The following RTN1 variants were observed in gnomAD, a reference collection of about 807,000 sequenced individuals.
The protein encoded by RTN1 is reticulon 1.
Under a neutral mutation model 65.5 loss-of-function variants are expected in RTN1, and 25 were observed. That is an observed-to-expected ratio of 0.38 (90% CI 0.28 to 0.53). The LOEUF (loss-of-function observed/expected upper bound fraction) is 0.53. Among genes scored for constraint, RTN1 ranks in the 20% least tolerant of loss-of-function variants. The pLI, the probability that RTN1 is intolerant of heterozygous loss-of-function variation, is 0.79. For synonymous variants in RTN1, 471 were observed against 447.6 expected, an observed-to-expected ratio of 1.05 and a Z score of -0.66; for missense variants, 983 against 1,025.4, an observed-to-expected ratio of 0.96 and a Z score of 0.57.
chr14:59,681,977 T>C (rs1352325956), intron 3 of RTN1, among the ~76,000 whole-genome samples: 1 of 152,214 alleles, frequency 6.6e-6, no homozygotes, highest in African/African-American at 2.4e-5. Context: ...TCCTTTTGGT[T>C]ACCAATCTGT....
At chr14:59,808,372 C>T (rs1886672902) in intron 1 of RTN1, among the ~76,000 whole-genome samples, 1 of 152,162 alleles carries the variant, frequency 6.6e-6, no homozygotes, top group Non-Finnish European at 1.5e-5. Context: ...TGCTGATTTC[C>T]ATTCTTTGGA....
At chr14:59,616,901 A>ATT (rs1288505782) in intron 3 of RTN1, among the ~76,000 whole-genome samples, 2 of 152,214 alleles carry the variant, frequency 1.3e-5, no homozygotes, top group East Asian at 3.8e-4. Context: ...AGGAGGACTT[A>ATT]TTTCTTTAGA....
intron 3 of RTN1, among the ~76,000 whole-genome samples, chr14:59,681,725 G>A (rs776432719): frequency 1.3e-5 from 2 of 152,116 alleles, no homozygotes; most frequent in Non-Finnish European, 1.5e-5. Context: ...CATTTTCCCT[G>A]TATCACCTTC....
intron 1 of RTN1, among the ~76,000 whole-genome samples, chr14:59,777,828 A>ACAACAAC (rs1566723773): frequency 3.3e-4 from 50 of 149,970 alleles, no homozygotes; most frequent in African/African-American, 1.1e-3. Context: ...ACAACAAAAA[A>ACAACAAC]AAAAAACAAA....
intron 1 of RTN1, among the ~76,000 whole-genome samples, chr14:59,839,761 A>G (rs1324754907): frequency 6.6e-6 from 1 of 152,156 alleles, no homozygotes; most frequent in Admixed American, 6.5e-5. Context: ...TGACCCATAG[A>G]GATAACTCAG....
intron 1 of RTN1, among the ~76,000 whole-genome samples, chr14:59,781,703 T>C (rs1392534861): frequency 1.3e-5 from 2 of 152,198 alleles, no homozygotes; most frequent in Non-Finnish European, 1.5e-5. Flanking sequence ...TGTTTACAAA[T>C]GATAAGAAAT....
chr14:59,820,356 GTTTTTTT>G (rs34274539), intron 1 of RTN1, among the ~76,000 whole-genome samples: 995 of 79,346 alleles, frequency 0.013, 8 homozygotes, highest in African/African-American at 0.043. Context: ...CTTATTGATA[GTTTTTTT>G]TTTTTTTTTT....
At chr14:59,599,821 C>T (rs139812733) in intron 8 of RTN1, among the ~76,000 whole-genome samples, 27 of 152,272 alleles carry the variant, frequency 1.8e-4, no homozygotes, top group African/African-American at 5.3e-4. Context: ...ATTTGAAGAT[C>T]GTGACAGCTC....
chr14:59,607,515 C>G (rs772851348), intron 3 of RTN1, 23 bp from the exon 4 acceptor site: 1 of 1,577,384 alleles, frequency 6.3e-7, no homozygotes, highest in East Asian at 2.3e-5. Context: ...CCAAACACAC[C>G]CAGCTGAGCT....
At chr14:59,660,101 T>C (rs569590469) in intron 3 of RTN1, among the ~76,000 whole-genome samples, 1 of 152,248 alleles carries the variant, frequency 6.6e-6, no homozygotes, top group South Asian at 2.1e-4. Flanking sequence ...TAGTCTCTGA[T>C]AAAACAGACT....
At chr14:59,819,646 A>AGG (rs1886902355) in intron 1 of RTN1, among the ~76,000 whole-genome samples, 1 of 151,972 alleles carries the variant, frequency 6.6e-6, no homozygotes, top group Non-Finnish European at 1.5e-5. Flanking sequence ...GCTGCGGAGC[A>AGG]GGGGACGGCG....
intron 3 of RTN1, among the ~76,000 whole-genome samples, chr14:59,682,097 A>G (rs1203675066): frequency 6.6e-6 from 1 of 152,148 alleles, no homozygotes; most frequent in Non-Finnish European, 1.5e-5. Flanking sequence ...CCATCTCCCC[A>G]TCTTCATCTC....
intron 1 of RTN1, among the ~76,000 whole-genome samples, chr14:59,752,111 A>T (rs1885534914): frequency 6.6e-6 from 1 of 152,188 alleles, no homozygotes; most frequent in Non-Finnish European, 1.5e-5. Context: ...TTCAATCTCA[A>T]GCCATTAAAC....
At chr14:59,716,803 C>CAA (rs958817485) in intron 3 of RTN1, among the ~76,000 whole-genome samples, 3 of 122,318 alleles carry the variant, frequency 2.5e-5, no homozygotes, top group Admixed American at 8.3e-5. Flanking sequence ...TAAAAAAATA[C>CAA]AAAAAAAAAA....
At chr14:59,740,087 T>TA (rs1885086585) in intron 2 of RTN1, among the ~76,000 whole-genome samples, 1 of 152,186 alleles carries the variant, frequency 6.6e-6, no homozygotes, top group South Asian at 2.1e-4. Flanking sequence ...ATGATTTAAT[T>TA]AATCTTTGCC....
Position 59,702,550 on chromosome 14 carries a change from C to T in RTN1, c.1765+24369G>A, listed in dbSNP as rs191834904. Among the ~76,000 whole-genome samples, 621 of 152,278 alleles carry T rather than the reference C, an allele frequency of 4.1e-3. 4 individuals carry two copies. Among genetic ancestry groups the T allele is most frequent in the African/African-American group, 0.014 (593 of 41,558 alleles). On this transcript the variant is annotated intron_variant, in intron 3 of 8. Coordinates refer to ENST00000267484, the MANE Select transcript of RTN1 (RefSeq NM_021136.3). ...CTGAAACCCAAAACTGTGGAGTCAT[C>T]GCTGTTTCTTCTCCTGCCCCACAGC...
chr14:59,864,443 T>C (rs889930552), intron 1 of RTN1, among the ~76,000 whole-genome samples: 2 of 152,198 alleles, frequency 1.3e-5, no homozygotes, highest in African/African-American at 4.8e-5. Flanking sequence ...ACTATCCCTC[T>C]CATTCCCATT....
chr14:59,810,473 C>A (rs931435480), intron 1 of RTN1, among the ~76,000 whole-genome samples: 4 of 152,114 alleles, frequency 2.6e-5, no homozygotes, highest in Non-Finnish European at 5.9e-5. Context: ...GTGTCTTCTA[C>A]CAGCATCCAT....
At chr14:59,705,466 T>G (rs1027487021) in intron 3 of RTN1, among the ~76,000 whole-genome samples, 2 of 152,236 alleles carry the variant, frequency 1.3e-5, no homozygotes, top group African/African-American at 2.4e-5. Context: ...CTCAAGCTAT[T>G]AAAGCAATGA....
Sources: gnomAD v4.1 joint callset for allele counts (sites outside exome capture counted in the v4.1 genomes callset) on GRCh38, gnomAD v4.1.1 for gene constraint, MANE v1.5 for transcripts, NCBI Gene and HGNC (gene_info 2026-07-23, HGNC 2026-07-21) for gene names.